DLG3: variants seen among roughly 807,000 people sequenced by gnomAD.
DLG3 encodes the protein disks large homolog 3.
Under a neutral mutation model 64.1 loss-of-function variants are expected in DLG3, and 1 was observed. The observed-to-expected ratio is 0.02, with a 90% CI of 0.01 to 0.07. DLG3 has a LOEUF of 0.07. Among genes scored for constraint, DLG3 ranks in the 10% least tolerant of loss-of-function variants. The pLI is 1.00. For synonymous variants in DLG3, 245 were observed against 259.8 expected (o/e 0.94, Z 0.55); for missense variants, 429 against 669.5 (o/e 0.64, Z 3.96).
chrX:70,480,935 T>G (rs2087143912), intron 10 of DLG3, among the ~76,000 whole-genome samples: 1 of 112,531 alleles, frequency 8.9e-6, no homozygotes, highest in Non-Finnish European at 1.9e-5. Flanking sequence ...AGGGATACAC[T>G]TAGCTTAACT....
In DLG3 at chrX:70,495,427, A is replaced by G; in HGVS notation, c.1793A>G (p.Asp598Gly). 1 of 1,209,941 alleles carries G rather than the reference A, an allele frequency of 8.3e-7. No homozygotes were observed. The highest frequency in any genetic ancestry group is 1.1e-6 in the Non-Finnish European group (1 of 894,868). Reference protein sequence around the residue: ...ESNRDFPGLSDDYYGAKNLKG... With the variant: ...ESNRDFPGLSGDYYGAKNLKG... ...AATCAGGACTTCCCGGGGTTAAGTGACGATTATTATGGAGCAAAGAACCTG... is the reference window on the plus strand; with the variant it reads ...AATCAGGACTTCCCGGGGTTAAGTGGCGATTATTATGGAGCAAAGAACCTG... Residue 598 changes from aspartate (D) to glycine (G), a missense_variant, in exon 13 of 19, where the codon GAC becomes GGC. By Grantham distance (94) the Asp-to-Gly change is moderately conservative. Coordinates refer to ENST00000374360, the MANE Select transcript of DLG3 (RefSeq NM_021120.4).
chrX:70,454,158 G>A, intron 8 of DLG3, 56 bp from the exon 9 acceptor site: 1 of 1,092,889 alleles, frequency 9.2e-7, no homozygotes, highest in Non-Finnish European at 1.3e-6. Flanking sequence ...AACTGCTAAT[G>A]CAGAGGACCC....
intron 9 of DLG3, chrX:70,455,380 T>C (rs1165820957): frequency 1.3e-6 from 1 of 741,771 alleles, no homozygotes; most frequent in Non-Finnish European, 1.6e-6. Flanking sequence ...CTCCCTCGAA[T>C]GCCTTCGTTG....
chrX:70,456,033 C>G (rs971597147), intron 9 of DLG3: 1 of 112,318 alleles, frequency 8.9e-6, no homozygotes, highest in African/African-American at 3.2e-5. Context: ...ACCTTTTCCA[C>G]GAGGCTCTTC....
chrX:70,457,106 C>G (rs1543567), intron 9 of DLG3, among the ~76,000 whole-genome samples: 30,356 of 110,673 alleles, frequency 0.27, 3,432 homozygotes, highest in African/African-American at 0.41. Flanking sequence ...GACAAGAGAG[C>G]CAAGATATAA....
chrX:70,470,964 T>C (rs1327773365), intron 9 of DLG3, among the ~76,000 whole-genome samples: 1 of 111,241 alleles, frequency 9.0e-6, no homozygotes, highest in Non-Finnish European at 1.9e-5. Context: ...AAGTGGTTCG[T>C]GGTTTTGTTG....
intron 10 of DLG3, among the ~76,000 whole-genome samples, chrX:70,486,442 T>G (rs2087255082): frequency 9.0e-6 from 1 of 111,371 alleles, no homozygotes; most frequent in Admixed American, 9.6e-5. Context: ...TCAATGAAAT[T>G]ATTTTTATCT....
chrX:70,475,604 C>G (rs1480738651), intron 9 of DLG3, among the ~76,000 whole-genome samples: 1 of 111,599 alleles, frequency 9.0e-6, no homozygotes, highest in Admixed American at 9.5e-5. Context: ...CCATGCCTGG[C>G]CAACATGGAT....
Position 70,445,233 on chromosome X carries a change from C to G in DLG3, c.32C>G (p.Pro11Arg). Reference sequence around the variant, plus strand: ...AAGCACCAGCACTGCTGTAAGTGCCCTGAGTGCTATGAGGTGACCCGCCTG... The same window carrying G: ...AAGCACCAGCACTGCTGTAAGTGCCGTGAGTGCTATGAGGTGACCCGCCTG... MHKHQHCCKC[P>R]ECYEVTRLAA... The change falls in exon 1 of 19, where the codon CCT becomes CGT. Residue 11 changes from proline to arginine, a missense_variant. This residue lies in a region of DLG3 where 123 missense variants were observed against 113.3 expected (regional missense o/e 1.09). Transcript: ENST00000374360. 2 of 1,163,801 alleles carry G rather than the reference C, an allele frequency of 1.7e-6. No homozygotes were observed. The highest frequency in any genetic ancestry group is 1.1e-6 in the Non-Finnish European group (1 of 872,758).
Position 70,499,277 on chromosome X carries a change from C to T in DLG3, c.1972C>T (p.His658Tyr), listed in dbSNP as rs762790001. Residue 658 changes from histidine to tyrosine, a missense_variant and splice_region_variant, in exon 15 of 19, where the codon CAT (histidine) becomes TAT (tyrosine). By Grantham distance (83) the His-to-Tyr change is moderately conservative. Around this residue, in one of 9 missense-constraint regions of DLG3, gnomAD observed 46 missense variants for 64.4 expected, o/e 0.71. Transcript: ENST00000374360. The part of the protein sequence containing the change: ...FPHKFGSCVP[H>Y]TTRPRRDNEV... ...ACATAAATTTGGATCCTGTGTGCCA[C>T]GTAAGAGTCCAGGAAGGCCCAGAGG... is the stretch of plus-strand genomic sequence containing the variant. The T allele has an allele frequency of 8.4e-7, 1 of 1,187,109 alleles. No individual in the cohort carries two copies. The highest frequency in any genetic ancestry group is 2.2e-5 in the Admixed American group (1 of 46,019).
chrX:70,495,740 G>A (rs915576273), intron 13 of DLG3, among the ~76,000 whole-genome samples: 7 of 112,115 alleles, frequency 6.2e-5, no homozygotes, highest in Non-Finnish European at 9.4e-5. Context: ...AAGTAAGCTT[G>A]AAATGTTTCT....
At chrX:70,488,837 A>G (rs942586054) in intron 10 of DLG3, among the ~76,000 whole-genome samples, 4 of 112,538 alleles carry the variant, frequency 3.6e-5, no homozygotes, top group Admixed American at 1.9e-4. Flanking sequence ...CTAGTTCAGA[A>G]TCTCAAACCT....
At chrX:70,493,004 G>A (rs1219395325) in intron 12 of DLG3, among the ~76,000 whole-genome samples, 1 of 111,376 alleles carries the variant, frequency 9.0e-6, no homozygotes, top group Non-Finnish European at 1.9e-5. Flanking sequence ...TTTTTTCTAT[G>A]AGCTTCACAG....
chrX:70,461,367 T>A (rs771009385), intron 9 of DLG3, among the ~76,000 whole-genome samples: 6 of 112,153 alleles, frequency 5.3e-5, no homozygotes, highest in Non-Finnish European at 9.4e-5. Flanking sequence ...TTTGTTTTGC[T>A]TCGTCCCCTG....
At chrX:70,480,215 GCCTCTGATA>G (rs1489129701) in intron 10 of DLG3, among the ~76,000 whole-genome samples, 3 of 112,352 alleles carry the variant, frequency 2.7e-5, no homozygotes, top group African/African-American at 9.7e-5. Flanking sequence ...TTTTCTAGTG[GCCTCTGATA>G]CCTGGCTGGG....
chrX:70,504,227 G>A lies in DLG3; in HGVS notation c.*1958G>A, dbSNP rs775160104. On this transcript the variant is annotated 3_prime_UTR_variant, in exon 19 of 19. Coordinates refer to ENST00000374360, the MANE Select transcript of DLG3 (RefSeq NM_021120.4). ...AGGTTGATTCTCTGATGTTAACTAA[G>A]TGGCAAAGTCTCAACCGTGCTCAGC... 6 of 111,907 alleles carry A rather than the reference G, an allele frequency of 5.4e-5. No homozygotes were observed. The highest frequency in any genetic ancestry group is 2.0e-4 in the African/African-American group (6 of 30,693). The allele number at this position is 111,907 out of a possible 1,213,427, so 9.2% of individuals were successfully genotyped here.
chrX:70,450,160 C>T lies in DLG3; in HGVS notation c.704-9C>T, dbSNP rs1391841360. ...GGCCCTCTCCCACCTCCTGCTGGCT[C>T]CCGCTCAGGCCTGGGTTTCAGCATT... On this transcript the variant is annotated splice_polypyrimidine_tract_variant and intron_variant, in intron 4 of 18. Transcript: ENST00000374360. 4 of 1,209,026 alleles carry T rather than the reference C, an allele frequency of 3.3e-6. No homozygotes were observed. The highest frequency in any genetic ancestry group is 4.5e-6 in the Non-Finnish European group (4 of 894,616).
Position 70,451,977 on chromosome X carries a change from C to A in DLG3, c.1096C>A (p.Arg366Ser). ...TGCTCCTCCTCAGGTTCCCCCCACC[C>A]GCTACTCTCCTATTCCCAGGCACAT... is the stretch of plus-strand genomic sequence containing the variant. Reference protein sequence around the residue: ...YPAPPQVPPTRYSPIPRHMLA... With the variant: ...YPAPPQVPPTSYSPIPRHMLA... The change falls in exon 7 of 19, where the codon CGC (arginine) becomes AGC (serine). Residue 366 changes from arginine to serine, a missense_variant. Transcript: ENST00000374360. 8.3e-7 allele frequency: 1 copy of A among 1,211,304 alleles called. No individual in the cohort carries two copies. Among genetic ancestry groups the A allele is most frequent in the South Asian group, 1.8e-5 (1 of 56,852 alleles).
In DLG3 at chrX:70,453,745, C is replaced by T; in HGVS notation, c.1254C>T (p.Gly418=). Residue 418 remains glycine, a synonymous_variant, in exon 8 of 19, where the codon GGC becomes GGT. Coordinates refer to ENST00000374360, the MANE Select transcript of DLG3 (RefSeq NM_021120.4). ...TTGTCTCCTTCATCCTGGCAGGAGG[C>T]CCAGCTGACCTGAGTGGGGAGCTGC... The part of the protein sequence containing the change: ...GIFVSFILAG[G]PADLSGELRR... 8.3e-7 allele frequency: 1 copy of T among 1,207,088 alleles called. No homozygotes were observed. Among genetic ancestry groups the T allele is most frequent in the South Asian group, 1.8e-5 (1 of 55,715 alleles).
Sources: allele counts gnomAD v4.1 joint callset (sites outside exome capture counted in the v4.1 genomes callset), GRCh38; gene constraint gnomAD v4.1.1; regional missense constraint gnomAD v4.1.1; transcripts MANE v1.5; gene names NCBI Gene and HGNC (gene_info 2026-07-23, HGNC 2026-07-21).